ATP8B1: variants seen among roughly 807,000 people sequenced by gnomAD.
ATP8B1 encodes ATPase phospholipid transporting 8B1.
Under a neutral mutation model 149.9 loss-of-function variants are expected in ATP8B1, and 80 were observed. The observed-to-expected ratio is 0.53, with a 90% confidence interval of 0.45 to 0.64. The LOEUF is 0.64. ATP8B1 is among the 30% of genes least tolerant of loss of function. ATP8B1 has a pLI of 0.00. For synonymous variants in ATP8B1, 536 were observed against 562.8 expected (o/e 0.95, Z 0.67); for missense variants, 1,247 against 1,552.6 (o/e 0.80, Z 3.31).
chr18:57,726,085 G>A (rs1410692054), intron 2 of ATP8B1, among the ~76,000 whole-genome samples: 3 of 152,154 alleles, frequency 2.0e-5, no homozygotes, highest in Non-Finnish European at 2.9e-5. Context: ...AAAGTTAGCC[G>A]AGCATGGTGG....
rs1048681309 is a variant in ATP8B1 at position 57,647,239 on chromosome 18, G to C, written c.*1249C>G. On this transcript the variant is annotated 3_prime_UTR_variant, in exon 28 of 28. Transcript: ENST00000648908. Reference sequence around the variant, plus strand: ...TAAATATTTATATGCTTTAAAAAATGAGAGTAGGGAATCAAATCATTTGGT... The same window carrying C: ...TAAATATTTATATGCTTTAAAAAATCAGAGTAGGGAATCAAATCATTTGGT... The C allele has an allele frequency of 6.6e-6, 1 of 152,276 alleles. No homozygotes were observed. Among genetic ancestry groups the C allele is most frequent in the Non-Finnish European group, 1.5e-5 (1 of 68,026 alleles). 9.4% of individuals were successfully genotyped at this position (152,276 alleles called of 1,614,324 possible). A position where few individuals can be genotyped will look rare whatever the true frequency, so the allele number is the denominator to read the frequency against.
intron 1 of ATP8B1, among the ~76,000 whole-genome samples, chr18:57,732,337 A>ATATG (rs2079792589): frequency 2.0e-5 from 1 of 49,426 alleles, no homozygotes; most frequent in South Asian, 6.7e-4. Context: ...ATATGTGTGT[A>ATATG]TATATATGTA....
chr18:57,663,423 C>T (rs920302914), intron 20 of ATP8B1, among the ~76,000 whole-genome samples: 2 of 152,150 alleles, frequency 1.3e-5, no homozygotes, highest in Non-Finnish European at 2.9e-5. Flanking sequence ...TGAGATCCTG[C>T]TTTCAATTAT....
intron 1 of ATP8B1, among the ~76,000 whole-genome samples, chr18:57,765,897 C>T (rs1419696578): frequency 1.3e-5 from 2 of 149,806 alleles, no homozygotes; most frequent in Non-Finnish European, 3.0e-5. Flanking sequence ...GCTCGAACCC[C>T]GGAGGCAGAG....
At chr18:57,759,854 C>T (rs1041609739) in intron 1 of ATP8B1, among the ~76,000 whole-genome samples, 2 of 151,510 alleles carry the variant, frequency 1.3e-5, no homozygotes, top group Non-Finnish European at 2.9e-5. Flanking sequence ...ATTTGGATGA[C>T]TCAGAATAGG....
chr18:57,688,173 C>G (rs1912349546), intron 13 of ATP8B1, 126 bp downstream of exon 13: 1 of 1,067,644 alleles, frequency 9.4e-7, no homozygotes, highest in African/African-American at 1.6e-5. Flanking sequence ...GAGAATGGCC[C>G]TAGCAGCAGG....
At chr18:57,713,215 C>CT (rs1913801528) in intron 2 of ATP8B1, among the ~76,000 whole-genome samples, 1 of 128,626 alleles carries the variant, frequency 7.8e-6, no homozygotes, top group African/African-American at 3.1e-5. Flanking sequence ...TTCCTTCCTT[C>CT]CTTCCTTCCT....
intron 2 of ATP8B1, among the ~76,000 whole-genome samples, chr18:57,714,571 G>A (rs1036948669): frequency 2.2e-5 from 3 of 133,422 alleles, no homozygotes; most frequent in African/African-American, 5.7e-5. Flanking sequence ...GAGAGAGAAG[G>A]AGAAAGGGAG....
intron 1 of ATP8B1, among the ~76,000 whole-genome samples, chr18:57,744,123 TG>T (rs1036785022): frequency 1.3e-5 from 2 of 151,968 alleles, no homozygotes; most frequent in African/African-American, 4.8e-5. Flanking sequence ...GAGACCAGCC[TG>T]GCCAAGACAG....
In ATP8B1 at chr18:57,688,279, G is replaced by T; in HGVS notation, c.1429+20C>A. The T allele has an allele frequency of 6.2e-7, 1 of 1,610,776 alleles. No individual in the cohort carries two copies. Among genetic ancestry groups the T allele is most frequent in the South Asian group, 1.1e-5 (1 of 90,974 alleles). ...AGGCAGCCCCACTCACCCAGAAAAT[G>T]AGTGACGGCTTCCACTTACCATATA... is the stretch of plus-strand genomic sequence containing the variant. On this transcript the variant is annotated intron_variant, in intron 13 of 27. Coordinates refer to ENST00000648908, the MANE Select transcript of ATP8B1 (RefSeq NM_001374385.1).
Position 57,684,179 on chromosome 18 carries a change from C to T in ATP8B1, c.1487G>A (p.Ser496Asn). The T allele has an allele frequency of 6.2e-7, 1 of 1,613,792 alleles. No homozygotes were observed. Among genetic ancestry groups the T allele is most frequent in the Non-Finnish European group, 8.5e-7 (1 of 1,179,832 alleles). Reference sequence around the variant, plus strand: ...CTTCCCATCAGCATATGTATTCCAGCTAAAATCAACTTGCTGAAAGAAATG... The same window carrying T: ...CTTCCCATCAGCATATGTATTCCAGTTAAAATCAACTTGCTGAAAGAAATG... ...NHNKIEQVDFSWNTYADGKLA... is the reference protein window; with the variant it reads ...NHNKIEQVDFNWNTYADGKLA... Residue 496 changes from serine to asparagine, a missense_variant, in exon 15 of 28, where the codon AGC becomes AAC. Physicochemically the swap from Ser to Asn is conservative, Grantham distance 46 (BLOSUM62 1). Coordinates refer to ENST00000648908, the MANE Select transcript of ATP8B1 (RefSeq NM_001374385.1).
rs1323087248 is a variant in ATP8B1 at position 57,646,742 on chromosome 18, C to T, written c.*1746G>A. On this transcript the variant is annotated 3_prime_UTR_variant, in exon 28 of 28. Transcript: ENST00000648908. ...AAAGTTGTAAACGTTCAGGATTTTA[C>T]TTCCACAGAATAAAAAGCCATACAT... 1 of 152,598 alleles carries T rather than the reference C, an allele frequency of 6.6e-6. No individual in the cohort carries two copies. Among genetic ancestry groups the T allele is most frequent in the African/African-American group, 2.4e-5 (1 of 41,436 alleles). The allele number at this position is 152,598 out of a possible 1,614,324, so 9.5% of individuals were successfully genotyped here.
At position 57,683,319 on chromosome 18, in the gene ATP8B1, A is replaced by C. The variant is rs569336921; in HGVS notation, c.1630+717T>G. Reference sequence around the variant, plus strand: ...GACTACGCTTTATTACAGAAACACCAAAAGAACTCCTTTTGCTCTTTCTAT... The same window carrying C: ...GACTACGCTTTATTACAGAAACACCCAAAGAACTCCTTTTGCTCTTTCTAT... On this transcript the variant is annotated intron_variant, in intron 15 of 27. Transcript: ENST00000648908. Among the ~76,000 whole-genome samples the C allele has an allele frequency of 2.9e-4, 44 of 152,330 alleles. 1 individual carries two copies. In the South Asian group the frequency reaches 9.1e-3, roughly 32 times the overall value.
At chr18:57,791,470 C>T (rs2080464167) in intron 1 of ATP8B1, among the ~76,000 whole-genome samples, 1 of 150,070 alleles carries the variant, frequency 6.7e-6, no homozygotes, top group South Asian at 2.1e-4. Flanking sequence ...TGTGTCATAG[C>T]CTCCCGAGTA....
At chr18:57,741,267 G>A (rs140263618) in intron 1 of ATP8B1, among the ~76,000 whole-genome samples, 19 of 152,208 alleles carry the variant, frequency 1.2e-4, no homozygotes, top group African/African-American at 3.9e-4. Context: ...AGAATATGGC[G>A]CAGGTAATGG....
chr18:57,693,912 G>A (rs967136700), intron 11 of ATP8B1, among the ~76,000 whole-genome samples: 3 of 152,096 alleles, frequency 2.0e-5, no homozygotes, highest in African/African-American at 4.8e-5. Flanking sequence ...GGAGAATTAA[G>A]TGCCTATTGT....
chr18:57,691,780 G>T (rs373600306), intron 12 of ATP8B1, 27 bp downstream of exon 12: 2 of 1,612,978 alleles, frequency 1.2e-6, no homozygotes, highest in Non-Finnish European at 1.7e-6. Context: ...TTCCATTAAA[G>T]CAAAATGCCA....
rs1568189289 is a variant in ATP8B1, at chr18:57,672,916, A to G, written c.1820-1336T>C. Among the ~76,000 whole-genome samples the G allele has an allele frequency of 4.0e-3, 291 of 72,222 alleles. 8 individuals are homozygous for G. Among genetic ancestry groups the G allele is most frequent in the East Asian group, 7.8e-3 (12 of 1,546 alleles). The allele number at this position is 72,222 out of a possible 152,430, so 47.4% of individuals were successfully genotyped here. ...TATATATATATATATATATATATAT[A>G]TATATATATATATATAACATGTATA... On this transcript the variant is annotated intron_variant, in intron 16 of 27. Coordinates refer to ENST00000648908, the MANE Select transcript of ATP8B1 (RefSeq NM_001374385.1).
chr18:57,712,400 G>A (rs988956798), intron 2 of ATP8B1, among the ~76,000 whole-genome samples: 2 of 152,168 alleles, frequency 1.3e-5, no homozygotes, highest in Non-Finnish European at 2.9e-5. Context: ...GTTACAGACA[G>A]TAGAAAGCAA....
Sources: gnomAD v4.1 joint callset for allele counts (sites outside exome capture counted in the v4.1 genomes callset) on GRCh38, gnomAD v4.1.1 for gene constraint, MANE v1.5 for transcripts, NCBI Gene and HGNC (gene_info 2026-07-23, HGNC 2026-07-21) for gene names.